Variants in VTI1A observed in about 807,000 individuals in gnomAD.
The protein encoded by VTI1A is vesicle transport through interaction with t-SNAREs 1A, also known as vesicle transport through interaction with t-SNAREs homolog 1A.
A neutral mutation model predicts 34.9 loss-of-function variants in VTI1A; 22 were observed. The ratio of observed to expected loss-of-function variants is 0.63; its 90% CI spans 0.45 to 0.90. VTI1A has a LOEUF of 0.90. VTI1A is among the 40% of genes least tolerant of loss of function. VTI1A has a pLI of 0.00. For synonymous variants in VTI1A, 87 were observed against 97.3 expected, an observed-to-expected ratio of 0.89 and a Z score of 0.62; for missense variants, 268 against 275.6, an observed-to-expected ratio of 0.97 and a Z score of 0.20.
intron 7 of VTI1A, among the ~76,000 whole-genome samples, chr10:112,726,097 C>T (rs1850014859): frequency 6.6e-6 from 1 of 152,144 alleles, no homozygotes; most frequent in African/African-American, 2.4e-5. Context: ...GTAACGCAGT[C>T]TTCCTTGGTA....
chr10:112,698,380 A>G (rs1439182177), intron 7 of VTI1A, among the ~76,000 whole-genome samples: 1 of 152,070 alleles, frequency 6.6e-6, no homozygotes, highest in African/African-American at 2.4e-5. Flanking sequence ...CTACATATGG[A>G]GTGTACCCCA....
At chr10:112,810,638 C>A (rs182735557) in intron 7 of VTI1A, among the ~76,000 whole-genome samples, 15 of 152,288 alleles carry the variant, frequency 9.8e-5, no homozygotes, top group African/African-American at 3.6e-4. Flanking sequence ...AAGCCTGCTC[C>A]TGGTCCAGTT....
At chr10:112,688,463 T>C (rs1026827768) in intron 7 of VTI1A, among the ~76,000 whole-genome samples, 3 of 151,990 alleles carry the variant, frequency 2.0e-5, no homozygotes, top group Admixed American at 6.6e-5. Context: ...TAGCCAGTTT[T>C]AAGTTCTGCC....
chr10:112,460,109 T>G (rs1270773438), intron 1 of VTI1A, among the ~76,000 whole-genome samples: 2 of 152,246 alleles, frequency 1.3e-5, no homozygotes, highest in Admixed American at 6.5e-5. Context: ...GGATTGTTTT[T>G]GCCCAGTTTT....
In VTI1A at chr10:112,460,579, A is replaced by T. The variant is rs747055815; in HGVS notation, c.150A>T (p.Glu50Asp). 4.4e-6 allele frequency: 7 copies of T among 1,605,734 alleles called. No individual in the cohort carries two copies. The highest frequency in any genetic ancestry group is 4.3e-6 in the Non-Finnish European group (5 of 1,176,428). ...NVEKQLEEAK[E>D]LLEQMDLEVR... ...AGAAACAGCTTGAAGAAGCGAAAGA[A>T]CTGGTATGTACAGACAGTAATGTAT... The change falls in exon 2 of 8, where the codon GAA becomes GAT. Residue 50 changes from glutamate (E) to aspartate (D), a missense_variant. Glu to Asp is a conservative substitution (Grantham distance 45, BLOSUM62 2). Coordinates refer to ENST00000393077, the MANE Select transcript of VTI1A (RefSeq NM_145206.4).
At chr10:112,513,387 A>G (rs1849677783) in intron 3 of VTI1A, among the ~76,000 whole-genome samples, 1 of 152,000 alleles carries the variant, frequency 6.6e-6, no homozygotes, top group Admixed American at 6.6e-5. Context: ...TGTTGATTTT[A>G]TATACTGCAA....
chr10:112,655,137 C>G (rs1321674700), intron 5 of VTI1A, among the ~76,000 whole-genome samples: 1 of 152,178 alleles, frequency 6.6e-6, no homozygotes, highest in Non-Finnish European at 1.5e-5. Flanking sequence ...TGTCCCTCCA[C>G]CCCCCATACA....
intron 1 of VTI1A, chr10:112,448,736 T>C (rs1474264421): frequency 6.6e-6 from 1 of 152,216 alleles, no homozygotes; most frequent in Admixed American, 6.5e-5. Context: ...TGCCCACTTG[T>C]CCTGGTACTA....
intron 5 of VTI1A, among the ~76,000 whole-genome samples, chr10:112,610,929 A>AG (rs1182047678): frequency 6.6e-6 from 1 of 152,228 alleles, no homozygotes; most frequent in Non-Finnish European, 1.5e-5. Flanking sequence ...AAAAAAAAAA[A>AG]AAAAGTATTA....
At chr10:112,755,320 T>C (rs1851247253) in intron 7 of VTI1A, among the ~76,000 whole-genome samples, 1 of 151,984 alleles carries the variant, frequency 6.6e-6, no homozygotes, top group East Asian at 1.9e-4. Context: ...CTGCCACCCA[T>C]AGCAGAAAGA....
chr10:112,782,527 C>T (rs1852163982), intron 7 of VTI1A, among the ~76,000 whole-genome samples: 1 of 152,214 alleles, frequency 6.6e-6, no homozygotes, highest in African/African-American at 2.4e-5. Context: ...TGAAGTCTGG[C>T]TAAAGAGCAG....
In VTI1A at chr10:112,569,737, T is replaced by TA. The variant is rs150127856; in HGVS notation, c.427+31415dup. On this transcript the variant is annotated intron_variant, in intron 5 of 7. Coordinates refer to ENST00000393077, the MANE Select transcript of VTI1A (RefSeq NM_145206.4). ...GCATCAGTAGTGCCTGGGTGCCTAC[T>TA]AAAAAAAACACAGCTTCCTGGGTGC... Among the ~76,000 whole-genome samples, 1,068 of 152,104 alleles carry TA rather than the reference T, an allele frequency of 7.0e-3. 15 individuals are homozygous for TA. Among genetic ancestry groups the TA allele is most frequent in the African/African-American group, 0.024 (992 of 41,496 alleles).
intron 5 of VTI1A, among the ~76,000 whole-genome samples, chr10:112,610,897 C>A (rs1035239446): frequency 8.0e-5 from 12 of 150,744 alleles, no homozygotes; most frequent in East Asian, 1.9e-4. Context: ...CCAGCCTGGG[C>A]GACAGAGCGA....
the VTI1A span, chr10:112,824,853 T>C: frequency 0.014 from 2,129 of 152,312 alleles, 51 homozygotes; most frequent in African/African-American, 0.048. Context: ...CTCTGCTAGC[T>C]CCCAGCCTTC....
chr10:112,668,911 C>T, intron 6 of VTI1A, 26 bp from the exon 7 acceptor site: 1 of 1,610,442 alleles, frequency 6.2e-7, no homozygotes, highest in Non-Finnish European at 8.5e-7. Flanking sequence ...GCATGAACTT[C>T]TGTTTTGTTT....
intron 7 of VTI1A, among the ~76,000 whole-genome samples, chr10:112,752,005 A>G (rs747522596): frequency 2.6e-5 from 4 of 152,232 alleles, no homozygotes; most frequent in Non-Finnish European, 5.9e-5. Flanking sequence ...GTGATTACAC[A>G]TGTTCAGATA....
chr10:112,575,641 T>TTAACTAATTACAAAACAAATTTTG (rs1474448476), intron 5 of VTI1A, among the ~76,000 whole-genome samples: 1 of 152,226 alleles, frequency 6.6e-6, no homozygotes, highest in Non-Finnish European at 1.5e-5. Flanking sequence ...TAGCAATTTA[T>TTAACTAATTACAAAACAAATTTTG]TAACTAATTA....
chr10:112,688,806 A>G (rs549748144), intron 7 of VTI1A, among the ~76,000 whole-genome samples: 1 of 152,044 alleles, frequency 6.6e-6, no homozygotes, highest in African/African-American at 2.4e-5. Flanking sequence ...CCCAAAGTGC[A>G]GGAATTACAG....
At chr10:112,828,547 A>G in the VTI1A span, among the ~76,000 whole-genome samples, 8 of 151,812 alleles carry the variant, frequency 5.3e-5, no homozygotes, top group African/African-American at 1.7e-4. Flanking sequence ...CTGGGACTAC[A>G]GGCGCCCGCC....
Sources: allele counts gnomAD v4.1 joint callset (sites outside exome capture counted in the v4.1 genomes callset), GRCh38; gene constraint gnomAD v4.1.1; transcripts MANE v1.5; gene names NCBI Gene and HGNC (gene_info 2026-07-23, HGNC 2026-07-21).